USH2A: variants seen among roughly 807,000 people sequenced by gnomAD.
The protein encoded by USH2A is usherin, also known as Usher syndrome 2A (autosomal recessive, mild).
USH2A carries 443 observed loss-of-function variants against 538.9 expected under a neutral mutation model. The observed-to-expected ratio is 0.82, with a 90% confidence interval of 0.76 to 0.89. The LOEUF (loss-of-function observed/expected upper bound fraction) is 0.89. USH2A is among the 40% of genes least tolerant of loss of function. USH2A has a pLI of 0.00. For synonymous variants in USH2A, 2,413 were observed against 2,273.5 expected, an observed-to-expected ratio of 1.06 and a Z score of -1.75; for missense variants, 6,633 against 6,324.8, an observed-to-expected ratio of 1.05 and a Z score of -1.65.
intron 21 of USH2A, among the ~76,000 whole-genome samples, chr1:216,118,427 A>G (rs540923973): frequency 1.3e-5 from 2 of 152,266 alleles, no homozygotes; most frequent in East Asian, 3.9e-4. Context: ...GGACTTCTCT[A>G]TGGGAACAGG....
intron 47 of USH2A, among the ~76,000 whole-genome samples, chr1:215,820,636 T>C (rs182814314): frequency 1.1e-3 from 171 of 151,868 alleles, no homozygotes; most frequent in African/African-American, 3.8e-3. Flanking sequence ...GTAAAAGATA[T>C]TGTAAACTAT....
At chr1:215,949,174 A>T (rs1666848779) in intron 37 of USH2A, among the ~76,000 whole-genome samples, 1 of 152,114 alleles carries the variant, frequency 6.6e-6, no homozygotes, top group African/African-American at 2.4e-5. Context: ...GATTTTTTAA[A>T]TATTATAATA....
chr1:215,908,230 C>T (rs939992039), intron 38 of USH2A, among the ~76,000 whole-genome samples: 1 of 151,888 alleles, frequency 6.6e-6, no homozygotes, highest in African/African-American at 2.4e-5. Flanking sequence ...TCTCCCAAAA[C>T]CCCATTAAAT....
At position 216,163,547 on chromosome 1, in the gene USH2A, C is replaced by T. The variant is rs142586391; in HGVS notation, c.4627+11705G>A. On this transcript the variant is annotated intron_variant, in intron 21 of 71. Transcript: ENST00000307340. ...GCCTGTTAATATTTGATTGAATGCC[C>T]GACATTGTATAGGAAAAAATTGCAC... 1.7e-3 allele frequency among the ~76,000 whole-genome samples: 260 copies of T among 151,606 alleles called. 1 individual carries two copies. The highest frequency in any genetic ancestry group is 5.7e-3 in the African/African-American group (237 of 41,370).
intron 21 of USH2A, among the ~76,000 whole-genome samples, chr1:216,124,794 C>A (rs747880952): frequency 1.1e-4 from 17 of 152,162 alleles, no homozygotes; most frequent in Non-Finnish European, 1.6e-4. Flanking sequence ...TGGTGACCTT[C>A]TCCTGAAGGG....
chr1:215,971,286 A>G (rs1667489378), intron 35 of USH2A, among the ~76,000 whole-genome samples: 1 of 152,152 alleles, frequency 6.6e-6, no homozygotes, highest in Non-Finnish European at 1.5e-5. Flanking sequence ...AAGGTATCAT[A>G]TTGGAGGAGA....
At chr1:216,091,008 C>T (rs2032288223) in intron 22 of USH2A, among the ~76,000 whole-genome samples, 1 of 152,142 alleles carries the variant, frequency 6.6e-6, no homozygotes. Context: ...TAGTTCTCTA[C>T]ATCAGAAATC....
chr1:215,877,893 A>T lies in USH2A; in HGVS notation c.8559-13T>A. 1 of 1,613,532 alleles carries T rather than the reference A, an allele frequency of 6.2e-7. No homozygotes were observed. The highest frequency in any genetic ancestry group is 1.1e-5 in the South Asian group (1 of 91,078). On this transcript the variant is annotated splice_polypyrimidine_tract_variant and intron_variant, in intron 42 of 71. Transcript: ENST00000307340. ...CAGAAGCTCATATCTAAAGCAAAAG[A>T]CAAGCAGGAACATCAGGATTATCTC... is the stretch of plus-strand genomic sequence containing the variant.
intron 35 of USH2A, among the ~76,000 whole-genome samples, chr1:215,977,311 T>A (rs900608188): frequency 6.6e-6 from 1 of 152,100 alleles, no homozygotes; most frequent in Non-Finnish European, 1.5e-5. Context: ...AGGTAGCTAT[T>A]TAGCACAATA....
At chr1:216,412,036 C>T (rs1337368090) in intron 3 of USH2A, among the ~76,000 whole-genome samples, 1 of 152,114 alleles carries the variant, frequency 6.6e-6, no homozygotes, top group African/African-American at 2.4e-5. Context: ...TGCTTATCCT[C>T]TGAAGAGACT....
chr1:215,681,095 A>G (rs1404968972), intron 61 of USH2A, among the ~76,000 whole-genome samples: 1 of 152,180 alleles, frequency 6.6e-6, no homozygotes, highest in East Asian at 1.9e-4. Context: ...TTGTTGCTTT[A>G]AAAGAAAAGA....
chr1:216,263,268 T>C (rs2036410307), intron 11 of USH2A, among the ~76,000 whole-genome samples: 1 of 152,170 alleles, frequency 6.6e-6, no homozygotes, highest in African/African-American at 2.4e-5. Context: ...TCTTCTAAAC[T>C]AATTTTATAA....
chr1:215,990,082 C>T (rs1667968982), intron 35 of USH2A, among the ~76,000 whole-genome samples: 1 of 152,114 alleles, frequency 6.6e-6, no homozygotes, highest in South Asian at 2.1e-4. Context: ...TCTTATTCTC[C>T]AATTGTATTT....
At chr1:215,627,438 TTCCTTCC>T (rs1558027503) in intron 71 of USH2A, among the ~76,000 whole-genome samples, 1,231 of 102,002 alleles carry the variant, frequency 0.012, 34 homozygotes, top group Non-Finnish European at 0.017. Flanking sequence ...CCTTCCTTCC[TTCCTTCC>T]TTCCTTCCTT....
At chr1:216,107,955 T>C (rs909261857) in intron 21 of USH2A, among the ~76,000 whole-genome samples, 1 of 151,922 alleles carries the variant, frequency 6.6e-6, no homozygotes, top group Non-Finnish European at 1.5e-5. Context: ...CTATTTTTTA[T>C]ACAGTTTAAT....
chr1:216,113,137 T>A (rs80138895), intron 21 of USH2A, among the ~76,000 whole-genome samples: 179 of 127,408 alleles, frequency 1.4e-3, no homozygotes, highest in Non-Finnish European at 2.0e-3. Context: ...CTCCAAATGA[T>A]AAAAAAAAAA....
rs1553294759 is a variant in USH2A, at chr1:216,050,560, T to TTTCCTTTCTTTCTTTCTTTC, written c.6050-1914_6050-1913insGAAAGAAAGAAAGAAAGGAA. 5.6e-5 allele frequency among the ~76,000 whole-genome samples: 2 copies of TTTCCTTTCTTTCTTTCTTTC among 35,694 alleles called. 1 individual carries two copies. The highest frequency in any genetic ancestry group is 1.3e-4 in the Non-Finnish European group (2 of 15,376). 23.4% of individuals were successfully genotyped at this position (35,694 alleles called of 152,430 possible). On this transcript the variant is annotated intron_variant, in intron 30 of 71. Transcript: ENST00000307340. The stretch of plus-strand genomic sequence containing the variant: ...ACATGCTACTAGACAATTTGTATCT[T>TTTCCTTTCTTTCTTTCTTTC]TTTCTTTCTTTCTTTCTTTCTTTCT...
rs1461275915 is a variant in USH2A at position 216,207,384 on chromosome 1, CAGA to C, written c.3202_3204del (p.Ser1068del). 1.2e-6 allele frequency: 2 copies of C among 1,613,868 alleles called. No homozygotes were observed. The highest frequency in any genetic ancestry group is 8.5e-7 in the Non-Finnish European group (1 of 1,179,950). ...GGTGGACTCCAGGAGAGATTGATAG[CAGA>C]AGAACTTTGAACTTGTCCTCTGGGC... On this transcript the variant is annotated inframe_deletion, in exon 16 of 72. Transcript: ENST00000307340.
chr1:216,407,954 A>G (rs2039423356), intron 3 of USH2A, among the ~76,000 whole-genome samples: 1 of 152,110 alleles, frequency 6.6e-6, no homozygotes, highest in African/African-American at 2.4e-5. Context: ...GGACATTGGA[A>G]CATAGTCTTC....
Sources: allele counts gnomAD v4.1 joint callset (sites outside exome capture counted in the v4.1 genomes callset), GRCh38; gene constraint gnomAD v4.1.1; transcripts MANE v1.5; gene names NCBI Gene and HGNC (gene_info 2026-07-23, HGNC 2026-07-21).